CNTNAP2: variants seen among roughly 807,000 people sequenced by gnomAD.
CNTNAP2 encodes contactin-associated protein-like 2.
A neutral mutation model predicts 155.2 loss-of-function variants in CNTNAP2; 98 were observed. The observed-to-expected ratio is 0.63, with a 90% CI of 0.54 to 0.75. CNTNAP2 has a LOEUF of 0.75. Ranked by LOEUF, CNTNAP2 falls within the 30% of genes least tolerant of loss-of-function variation. The probability of loss-of-function intolerance (pLI) is 0.00; values close to 1 mark genes in which losing one functional copy is unlikely to be tolerated. For missense variants in CNTNAP2, 1,727 were observed against 1,688.1 expected, an observed-to-expected ratio of 1.02 and a Z score of -0.40; for synonymous variants, 651 against 631.2, an observed-to-expected ratio of 1.03 and a Z score of -0.47.
intron 1 of CNTNAP2, among the ~76,000 whole-genome samples, chr7:146,198,299 A>C (rs1331503520): frequency 2.6e-5 from 4 of 152,192 alleles, no homozygotes. Context: ...CTAAAATGTC[A>C]ATTATAAATT....
chr7:148,370,989 T>C (rs1623608), intron 21 of CNTNAP2, among the ~76,000 whole-genome samples: 50,344 of 151,946 alleles, frequency 0.33, 8,762 homozygotes, highest in Non-Finnish European at 0.39. Flanking sequence ...CACCCCGGTT[T>C]ATTATTGCTT....
At chr7:146,279,926 A>T (rs1800224201) in intron 1 of CNTNAP2, among the ~76,000 whole-genome samples, 1 of 151,904 alleles carries the variant, frequency 6.6e-6, no homozygotes, top group South Asian at 2.1e-4. Context: ...TATACTAATA[A>T]GTGAAAGGAA....
intron 8 of CNTNAP2, among the ~76,000 whole-genome samples, chr7:147,228,832 G>C (rs1209851180): frequency 6.6e-6 from 1 of 151,822 alleles, no homozygotes; most frequent in African/African-American, 2.4e-5. Context: ...ACAGGCCCTG[G>C]AGTGTGATGG....
At chr7:147,242,703 C>A (rs1031653355) in intron 8 of CNTNAP2, among the ~76,000 whole-genome samples, 1 of 152,000 alleles carries the variant, frequency 6.6e-6, no homozygotes, top group Non-Finnish European at 1.5e-5. Context: ...TCGCAATATA[C>A]CCCATTCTAA....
At chr7:147,544,825 G>T (rs1483327150) in intron 11 of CNTNAP2, among the ~76,000 whole-genome samples, 1 of 152,154 alleles carries the variant, frequency 6.6e-6, no homozygotes, top group African/African-American at 2.4e-5. Context: ...AGGGGTGTCC[G>T]GTTTTGCTTG....
At chr7:146,164,100 T>C (rs927229311) in intron 1 of CNTNAP2, among the ~76,000 whole-genome samples, 1 of 152,226 alleles carries the variant, frequency 6.6e-6, no homozygotes, top group African/African-American at 2.4e-5. Flanking sequence ...AAAAAATTCT[T>C]CCTTAAAATT....
At chr7:146,423,835 A>G (rs1796048848) in intron 1 of CNTNAP2, among the ~76,000 whole-genome samples, 1 of 152,230 alleles carries the variant, frequency 6.6e-6, no homozygotes, top group East Asian at 1.9e-4. Context: ...GAAAAATTAT[A>G]CAATATAAGA....
intron 2 of CNTNAP2, among the ~76,000 whole-genome samples, chr7:146,806,388 T>C (rs1383315253): frequency 6.6e-6 from 1 of 151,606 alleles, no homozygotes. Context: ...CCCAGCTACT[T>C]GGGAGGCTGA....
At chr7:146,383,503 T>A (rs780533407) in intron 1 of CNTNAP2, among the ~76,000 whole-genome samples, 7 of 152,112 alleles carry the variant, frequency 4.6e-5, no homozygotes, top group Non-Finnish European at 5.9e-5. Flanking sequence ...TCATAAAAAA[T>A]TCAGCTACAT....
In CNTNAP2 at chr7:147,059,070, C is replaced by T. The variant is rs1357286435; in HGVS notation, c.550+15016C>T. 2.0e-5 allele frequency among the ~76,000 whole-genome samples: 3 copies of T among 152,118 alleles called. No homozygotes were observed. In the South Asian group the frequency reaches 6.2e-4, roughly 31 times the overall value. The stretch of plus-strand genomic sequence containing the variant: ...AAACCTTTCCAATTCACATAAAATG[C>T]CACACACCCTATTCCTCCCTACCTC... On this transcript the variant is annotated intron_variant, in intron 4 of 23. Coordinates refer to ENST00000361727, the MANE Select transcript of CNTNAP2 (RefSeq NM_014141.6).
chr7:148,231,990 G>A (rs530546260), intron 20 of CNTNAP2, among the ~76,000 whole-genome samples: 2 of 152,292 alleles, frequency 1.3e-5, no homozygotes, highest in East Asian at 3.9e-4. Flanking sequence ...TTCTGCACCT[G>A]GAAGTGTTGG....
intron 13 of CNTNAP2, among the ~76,000 whole-genome samples, chr7:147,809,251 A>G (rs181950645): frequency 1.1e-4 from 17 of 152,166 alleles, no homozygotes; most frequent in Non-Finnish European, 2.1e-4. Context: ...TTCAGCACAT[A>G]CTAATGCCAT....
In CNTNAP2 at chr7:146,367,558, T is replaced by A. The variant is rs555709789; in HGVS notation, c.97+250585T>A. ...AAATAATGGGGATAAAACAAGCACA[T>A]ACATTCCTCATCTCTGTATAGACTT... On this transcript the variant is annotated intron_variant, in intron 1 of 23. Transcript: ENST00000361727. 7.2e-5 allele frequency among the ~76,000 whole-genome samples: 11 copies of A among 152,252 alleles called. No individual in the cohort carries two copies. In the South Asian group the frequency reaches 1.7e-3, roughly 23 times the overall value.
At chr7:147,026,166 T>A (rs573202340) in intron 3 of CNTNAP2, among the ~76,000 whole-genome samples, 3 of 152,274 alleles carry the variant, frequency 2.0e-5, no homozygotes, top group Admixed American at 2.0e-4. Flanking sequence ...TTTTTATGGA[T>A]TTCAAAATAT....
rs369651452 is a variant in CNTNAP2 at position 147,387,315 on chromosome 7, C to A, written c.1499-8294C>A. Among the ~76,000 whole-genome samples the A allele has an allele frequency of 3.3e-5, 5 of 152,192 alleles. 1 individual carries two copies. ...CACTTTAGTAATTTCTTCACTTTCA[C>A]AACCTTCTCATTCTTGAATATTCTA... On this transcript the variant is annotated intron_variant, in intron 9 of 23. Coordinates refer to ENST00000361727, the MANE Select transcript of CNTNAP2 (RefSeq NM_014141.6).
chr7:148,188,784 A>G (rs1795160440), intron 18 of CNTNAP2, among the ~76,000 whole-genome samples: 1 of 152,240 alleles, frequency 6.6e-6, no homozygotes, highest in Non-Finnish European at 1.5e-5. Context: ...ACATAGTATT[A>G]GCATATATAG....
intron 1 of CNTNAP2, among the ~76,000 whole-genome samples, chr7:146,439,980 C>T (rs982958353): frequency 5.9e-5 from 9 of 151,404 alleles, no homozygotes; most frequent in African/African-American, 1.5e-4. Context: ...AAAAATTAAT[C>T]GAGTGTGGTG....
At position 146,352,819 on chromosome 7, in the gene CNTNAP2, A is replaced by G. The variant is rs549257035; in HGVS notation, c.97+235846A>G. Among the ~76,000 whole-genome samples, 41 of 125,964 alleles carry G rather than the reference A, an allele frequency of 3.3e-4. No individual in the cohort carries two copies. In the East Asian group the frequency reaches 3.9e-3, roughly 12 times the overall value. 82.6% of individuals were successfully genotyped at this position (125,964 alleles called of 152,430 possible). ...GCCCAGGCTGGAGTTCAGTGGTGCG[A>G]TCTCGGCTCACTGCAAGCTCCGCCT... is the stretch of plus-strand genomic sequence containing the variant. On this transcript the variant is annotated intron_variant, in intron 1 of 23. Transcript: ENST00000361727.
At chr7:147,996,433 CTT>C (rs1378217118) in intron 15 of CNTNAP2, among the ~76,000 whole-genome samples, 2 of 152,132 alleles carry the variant, frequency 1.3e-5, no homozygotes, top group African/African-American at 4.8e-5. Context: ...AGTGTAGAAA[CTT>C]AGGCTCAGAA....
Sources: allele counts gnomAD v4.1 joint callset (sites outside exome capture counted in the v4.1 genomes callset), GRCh38; gene constraint gnomAD v4.1.1; transcripts MANE v1.5; gene names NCBI Gene and HGNC (gene_info 2026-07-23, HGNC 2026-07-21).